The following WNK1 variants were observed in gnomAD, a reference collection of about 807,000 sequenced individuals.
WNK1 encodes the protein WNK lysine deficient protein kinase 1, also known as serine/threonine-protein kinase WNK1.
WNK1 carries 38 observed loss-of-function variants against 222.8 expected under a neutral mutation model. The observed-to-expected ratio is 0.17, with a 90% CI of 0.13 to 0.22. The LOEUF (loss-of-function observed/expected upper bound fraction) is 0.22, where lower values mean the gene tolerates loss of function less well. Among genes scored for constraint, WNK1 ranks in the 10% least tolerant of loss-of-function variants. The pLI is 1.00. For synonymous variants in WNK1, 1,090 were observed against 1,092.9 expected (o/e 1.00, Z 0.05); for missense variants, 2,348 against 2,918.4 (o/e 0.80, Z 4.50).
rs149189530 is a variant in WNK1 at position 840,100 on chromosome 12, C to T, written c.1311+9940C>T. Among the ~76,000 whole-genome samples, 146 of 151,926 alleles carry T rather than the reference C, an allele frequency of 9.6e-4. 2 individuals are homozygous for T. The highest frequency in any genetic ancestry group is 7.7e-3 in the South Asian group (37 of 4,808). ...ATTCAGCCTGGTGCCCATTTTTGTA[C>T]AGCCCATGACATAAGTATGGTTTTT... is the stretch of plus-strand genomic sequence containing the variant. On this transcript the variant is annotated intron_variant, in intron 4 of 27. Coordinates refer to ENST00000315939, the MANE Select transcript of WNK1 (RefSeq NM_018979.4).
chr12:811,585 C>T (rs188144811), intron 1 of WNK1, among the ~76,000 whole-genome samples: 1 of 152,014 alleles, frequency 6.6e-6, no homozygotes, highest in African/African-American at 2.4e-5. Context: ...TTTTTAAAAC[C>T]CCAGGTGTTC....
intron 1 of WNK1, among the ~76,000 whole-genome samples, chr12:778,785 A>G (rs1347373224): frequency 1.3e-5 from 2 of 152,138 alleles, no homozygotes; most frequent in Admixed American, 6.6e-5. Context: ...CGAATTTTAA[A>G]TTCTTAGTAA....
rs886049906 is a variant in WNK1, at chr12:879,707, C to T, written c.2508C>T (p.Leu836=). 6 of 1,613,804 alleles carry T rather than the reference C, an allele frequency of 3.7e-6. No individual in the cohort carries two copies. The East Asian group carries it at 1.1e-4, about 30-fold the overall frequency. The part of the protein sequence containing the change: ...PVGQPLPTPL[L]PQYPVSQIPI... ...GACAGCCGCTCCCTACTCCCTTGCT[C>T]CCTCAGTACCCTGTCTCTCAGATTC... Residue 836 remains leucine (L), a synonymous_variant, in exon 11 of 28, where the codon CTC becomes CTT. Transcript: ENST00000315939.
chr12:764,858 G>A lies in WNK1; in HGVS notation c.759+10534G>A, dbSNP rs1353684864. Among the ~76,000 whole-genome samples the A allele has an allele frequency of 2.0e-5, 3 of 147,432 alleles. 1 individual carries two copies. The highest frequency in any genetic ancestry group is 4.5e-5 in the Non-Finnish European group (3 of 66,010). On this transcript the variant is annotated intron_variant, in intron 1 of 27. Transcript: ENST00000315939. ...CTAATACAATATCCACCAGCCTCAC[G>A]TGGCTATTTCGCTCTTGCCACCCAG...
chr12:764,128 G>A (rs1941382070), intron 1 of WNK1, among the ~76,000 whole-genome samples: 1 of 147,188 alleles, frequency 6.8e-6, no homozygotes. Context: ...GATACGCTAG[G>A]GAGAGGATAT....
intron 21 of WNK1, among the ~76,000 whole-genome samples, chr12:889,642 C>A (rs1954014017): frequency 6.6e-6 from 1 of 152,024 alleles, no homozygotes; most frequent in Non-Finnish European, 1.5e-5. Context: ...CACGGTGAAA[C>A]CCCATCTCTA....
At chr12:901,968 C>T (rs889031316) in intron 26 of WNK1, among the ~76,000 whole-genome samples, 5 of 152,010 alleles carry the variant, frequency 3.3e-5, no homozygotes, top group Admixed American at 6.6e-5. Flanking sequence ...ACTCCACAGT[C>T]GTAGTCAGTG....
Position 884,928 on chromosome 12 carries a change from T to C in WNK1, c.4124T>C (p.Val1375Ala). Reference protein sequence around the residue: ...DISTSVIQSEVTVPTEEGIAG... With the variant: ...DISTSVIQSEATVPTEEGIAG... The stretch of plus-strand genomic sequence containing the variant: ...TCCACATCAGTAATTCAGTCTGAGG[T>C]TACAGTGCCCACTGAAGAGGGGATT... Residue 1375 changes from valine to alanine, a missense_variant, in exon 19 of 28, where the codon GTT (valine) becomes GCT (alanine). Transcript: ENST00000315939. This position sits in a 1 kb window ranked among gnomAD's most constrained non-coding sequence, Gnocchi z 5.6. The C allele has an allele frequency of 6.2e-7, 1 of 1,614,120 alleles. No homozygotes were observed. The highest frequency in any genetic ancestry group is 1.1e-5 in the South Asian group (1 of 91,076).
At chr12:899,290 C>T (rs1158061140) in intron 25 of WNK1, among the ~76,000 whole-genome samples, 1 of 68,202 alleles carries the variant, frequency 1.5e-5, no homozygotes, top group Non-Finnish European at 3.1e-5. Context: ...GATCTGATCC[C>T]AATCAGATCT....
intron 1 of WNK1, among the ~76,000 whole-genome samples, chr12:802,093 A>T (rs1192914071): frequency 6.6e-6 from 1 of 152,204 alleles, no homozygotes; most frequent in Non-Finnish European, 1.5e-5. Context: ...GATAATGTAC[A>T]TGTAGTATAA....
At chr12:807,877 G>A (rs892803974) in intron 1 of WNK1, among the ~76,000 whole-genome samples, 4 of 151,784 alleles carry the variant, frequency 2.6e-5, no homozygotes, top group Admixed American at 6.6e-5. Context: ...GCGCCACTAC[G>A]CCTGGCTAAT....
intron 1 of WNK1, among the ~76,000 whole-genome samples, chr12:811,065 AG>A (rs1288222787): frequency 6.6e-6 from 1 of 152,202 alleles, no homozygotes; most frequent in African/African-American, 2.4e-5. Context: ...CAATTGGGAT[AG>A]TATAGTATAT....
intron 1 of WNK1, among the ~76,000 whole-genome samples, chr12:804,007 C>G (rs1434684464): frequency 2.0e-5 from 3 of 152,120 alleles, no homozygotes; most frequent in African/African-American, 7.2e-5. Context: ...TATTTACTTG[C>G]TTTGCAAATA....
chr12:875,980 G>A (rs1032964351), intron 9 of WNK1, among the ~76,000 whole-genome samples: 4 of 152,036 alleles, frequency 2.6e-5, no homozygotes, highest in Non-Finnish European at 4.4e-5. Context: ...TTTTTCTCAG[G>A]TGGGAAATTA....
Position 881,960 on chromosome 12 carries a change from C to T in WNK1, c.3259C>T (p.Pro1087Ser), listed in dbSNP as rs542910952. ...TATGAGTGATGGCAATGAGAACGTC[C>T]CATCTTCCAGTGGAAGGCATGAAGG... The part of the protein sequence containing the change: ...SGMSDGNENV[P>S]SSSGRHEGRT... The change falls in exon 14 of 28, where the codon CCA (proline) becomes TCA (serine). Residue 1087 changes from proline (P) to serine (S), a missense_variant. Pro to Ser is a moderately conservative substitution (Grantham distance 74). This residue lies in a region of WNK1 where 547 missense variants were observed against 558.3 expected (regional missense o/e 0.98). Coordinates refer to ENST00000315939, the MANE Select transcript of WNK1 (RefSeq NM_018979.4). 1.4e-5 allele frequency: 22 copies of T among 1,614,122 alleles called. 1 individual carries two copies. In the South Asian group the frequency reaches 2.3e-4, roughly 17 times the overall value.
intron 1 of WNK1, among the ~76,000 whole-genome samples, chr12:755,221 C>T (rs1939819749): frequency 6.6e-6 from 1 of 152,146 alleles, no homozygotes; most frequent in African/African-American, 2.4e-5. Context: ...CCTGATTGGG[C>T]ATAGGTGAAC....
At position 885,667 on chromosome 12, in the gene WNK1, G is replaced by A. The variant is rs1953583569; in HGVS notation, c.4863G>A (p.Gln1621=). The change falls in exon 19 of 28, where the codon CAG becomes CAA. Residue 1621 remains glutamine (Q), a synonymous_variant. Coordinates refer to ENST00000315939, the MANE Select transcript of WNK1 (RefSeq NM_018979.4). The stretch of plus-strand genomic sequence containing the variant: ...TACAGCAGACACTAATTCATAGTCA[G>A]CCTCAACCAGCTTTGCTTCCCAACC... ...PAVQQTLIHS[Q]PQPALLPNQP... is the part of the protein sequence containing the mutation. 1 of 1,613,974 alleles carries A rather than the reference G, an allele frequency of 6.2e-7. No individual in the cohort carries two copies. The highest frequency in any genetic ancestry group is 1.7e-5 in the Admixed American group (1 of 59,990).
chr12:861,487 C>A, intron 7 of WNK1, 144 bp downstream of exon 7: 1 of 737,214 alleles, frequency 1.4e-6, no homozygotes, highest in Admixed American at 2.4e-5. Flanking sequence ...CGTCTAGCTT[C>A]TCTTTATTCT....
At chr12:835,089 T>C in intron 4 of WNK1, among the ~76,000 whole-genome samples, 1 of 152,034 alleles carries the variant, frequency 6.6e-6, no homozygotes. Flanking sequence ...GAAGCCGAGG[T>C]AGGCAGATTG....
Sources: allele counts gnomAD v4.1 joint callset (sites outside exome capture counted in the v4.1 genomes callset), GRCh38; gene constraint gnomAD v4.1.1; regional missense constraint gnomAD v4.1.1; non-coding constraint Gnocchi (gnomAD v3.1); transcripts MANE v1.5; gene names NCBI Gene and HGNC (gene_info 2026-07-23, HGNC 2026-07-21).